Variants in CD44 observed in about 807,000 individuals in gnomAD.
CD44 encodes CD44 molecule (IN blood group), also known as CD44 antigen.
Under a neutral mutation model 88.8 loss-of-function variants are expected in CD44, and 49 were observed. That is an observed-to-expected ratio of 0.55 (90% confidence interval 0.44 to 0.70). The LOEUF is 0.70. Ranked by LOEUF, CD44 falls within the 30% of genes least tolerant of loss-of-function variation. The pLI is 0.00. For missense variants in CD44, 883 were observed against 913.8 expected, an observed-to-expected ratio of 0.97 and a Z score of 0.43; for synonymous variants, 325 against 312.3, an observed-to-expected ratio of 1.04 and a Z score of -0.43.
At chr11:35,168,055 C>T (rs1943495794) in intron 1 of CD44, among the ~76,000 whole-genome samples, 1 of 152,190 alleles carries the variant, frequency 6.6e-6, no homozygotes, top group East Asian at 1.9e-4. Flanking sequence ...GTGAAAATTC[C>T]ATTAGTGAAG....
At chr11:35,214,702 C>CCATTCAAG (rs1405465574) in intron 14 of CD44, 150 bp from the exon 15 acceptor site, 5 of 413,400 alleles carry the variant, frequency 1.2e-5, no homozygotes, top group African/African-American at 1.0e-4. Context: ...CATTGTGGAC[C>CCATTCAAG]CATTCAAGGC....
At chr11:35,228,322 T>C (rs762492842) in intron 17 of CD44, among the ~76,000 whole-genome samples, 1 of 152,218 alleles carries the variant, frequency 6.6e-6, no homozygotes, top group Non-Finnish European at 1.5e-5. Context: ...GTTGTATGAG[T>C]TAGCCAATGT....
chr11:35,180,517 A>G lies in CD44; in HGVS notation c.367+110A>G, dbSNP rs1591088178. Reference sequence around the variant, plus strand: ...GCCTCCATTTACATAACAAATGCTCACTGAATATCTGTACAGCAGAGCCAA... The same window carrying G: ...GCCTCCATTTACATAACAAATGCTCGCTGAATATCTGTACAGCAGAGCCAA... On this transcript the variant is annotated intron_variant, in intron 3 of 17. Coordinates refer to ENST00000428726, the MANE Select transcript of CD44 (RefSeq NM_000610.4). The G allele has an allele frequency of 2.5e-6, 3 of 1,193,716 alleles. No individual in the cohort carries two copies. In the East Asian group the frequency reaches 7.0e-5, roughly 28 times the overall value. The allele number at this position is 1,193,716 out of a possible 1,614,324, so 73.9% of individuals were successfully genotyped here.
chr11:35,195,426 G>A (rs763318093), intron 5 of CD44, among the ~76,000 whole-genome samples: 1 of 151,164 alleles, frequency 6.6e-6, no homozygotes, highest in Admixed American at 6.6e-5. Context: ...GGGTGGGGAG[G>A]GGGGATACAG....
At chr11:35,214,956 T>C (rs764837905) in intron 15 of CD44, 42 bp downstream of exon 15, 2 of 1,290,640 alleles carry the variant, frequency 1.5e-6, no homozygotes, top group Non-Finnish European at 2.1e-6. Flanking sequence ...TTATAATCAT[T>C]GAGCCTAATG....
intron 1 of CD44, among the ~76,000 whole-genome samples, chr11:35,171,450 C>T (rs977192618): frequency 7.9e-5 from 12 of 152,130 alleles, no homozygotes; most frequent in African/African-American, 2.9e-4. Flanking sequence ...AATCAGCAGC[C>T]CTTTGCAGAT....
intron 3 of CD44, among the ~76,000 whole-genome samples, chr11:35,184,172 A>G (rs190944820): frequency 6.6e-5 from 10 of 152,214 alleles, no homozygotes; most frequent in African/African-American, 2.4e-4. Context: ...ACATGAGAGC[A>G]TGAGTCTGTT....
intron 1 of CD44, among the ~76,000 whole-genome samples, chr11:35,143,410 T>G (rs1858408589): frequency 6.6e-6 from 1 of 151,474 alleles, no homozygotes; most frequent in Non-Finnish European, 1.5e-5. Context: ...ATATCTTATC[T>G]AAGCCTCCCA....
At chr11:35,224,235 G>A (rs1358720998) in intron 17 of CD44, among the ~76,000 whole-genome samples, 1 of 152,088 alleles carries the variant, frequency 6.6e-6, no homozygotes, top group South Asian at 2.1e-4. Context: ...GCTGGGTTGG[G>A]GGTTCTATTA....
chr11:35,183,669 A>T (rs895127894), intron 3 of CD44, among the ~76,000 whole-genome samples: 2 of 152,198 alleles, frequency 1.3e-5, no homozygotes, highest in African/African-American at 4.8e-5. Flanking sequence ...AAATGAAAAT[A>T]AGGCAGAACT....
At chr11:35,147,448 A>G (rs74432074) in intron 1 of CD44, among the ~76,000 whole-genome samples, 6,433 of 152,130 alleles carry the variant, frequency 0.042, 231 homozygotes, top group Admixed American at 0.11. Flanking sequence ...TGACCATCCC[A>G]TCAGGGAGCA....
At chr11:35,191,201 C>G (rs534483757) in intron 5 of CD44, among the ~76,000 whole-genome samples, 1 of 152,036 alleles carries the variant, frequency 6.6e-6, no homozygotes. Context: ...AAGACAGGGC[C>G]CTTCTCTATT....
At chr11:35,197,245 G>C (rs956955365) in intron 6 of CD44, 1 of 162,158 alleles carries the variant, frequency 6.2e-6, no homozygotes, top group Admixed American at 6.0e-5. Context: ...AGCTAGATAT[G>C]AAAAAATATA....
chr11:35,140,884 G>A (rs1459755800), intron 1 of CD44, among the ~76,000 whole-genome samples: 2 of 152,038 alleles, frequency 1.3e-5, no homozygotes, highest in African/African-American at 4.8e-5. Context: ...AGCAGGGTGT[G>A]GTGGTGCACA....
intron 15 of CD44, among the ~76,000 whole-genome samples, chr11:35,216,034 G>C (rs373998807): frequency 2.6e-5 from 4 of 151,356 alleles, no homozygotes; most frequent in Non-Finnish European, 5.9e-5. Flanking sequence ...CTCAGAGAAG[G>C]TAAGTAACTT....
At chr11:35,199,234 A>G (rs1365703534) in intron 7 of CD44, among the ~76,000 whole-genome samples, 3 of 152,240 alleles carry the variant, frequency 2.0e-5, no homozygotes, top group Non-Finnish European at 4.4e-5. Context: ...ATAGTATCCA[A>G]ATTTTTGACA....
chr11:35,198,372 T>G (rs1217257008), intron 7 of CD44, 126 bp downstream of exon 7: 2 of 747,068 alleles, frequency 2.7e-6, no homozygotes, highest in Non-Finnish European at 4.2e-6. Flanking sequence ...GATCATACCT[T>G]AGTTATATCT....
chr11:35,149,264 C>T (rs1318401899), intron 1 of CD44, among the ~76,000 whole-genome samples: 1 of 152,192 alleles, frequency 6.6e-6, no homozygotes, highest in Non-Finnish European at 1.5e-5. Context: ...GGTTTGAAAA[C>T]CTCCCAGACT....
intron 1 of CD44, among the ~76,000 whole-genome samples, chr11:35,146,730 T>C (rs1442924824): frequency 6.6e-6 from 1 of 152,176 alleles, no homozygotes; most frequent in Non-Finnish European, 1.5e-5. Context: ...TATGTTAGAG[T>C]GCTTCTCTTG....
Sources: allele counts gnomAD v4.1 joint callset (sites outside exome capture counted in the v4.1 genomes callset), GRCh38; gene constraint gnomAD v4.1.1; transcripts MANE v1.5; gene names NCBI Gene and HGNC (gene_info 2026-07-23, HGNC 2026-07-21).